CSMD2: variants seen among roughly 807,000 people sequenced by gnomAD.
CSMD2 encodes CUB and Sushi multiple domains 2.
CSMD2 carries 130 observed loss-of-function variants against 398.5 expected under a neutral mutation model. That is an observed-to-expected ratio of 0.33 (90% CI 0.28 to 0.38). The LOEUF (loss-of-function observed/expected upper bound fraction) is 0.38. CSMD2 is among the 10% of genes least tolerant of loss of function. The probability of loss-of-function intolerance (pLI) is 1.00; values close to 1 mark genes in which losing one functional copy is unlikely to be tolerated. For missense variants in CSMD2, 3,829 were observed against 4,764.9 expected, an observed-to-expected ratio of 0.80 and a Z score of 5.78; for synonymous variants, 1,828 against 1,908.5, an observed-to-expected ratio of 0.96 and a Z score of 1.10.
intron 3 of CSMD2, among the ~76,000 whole-genome samples, chr1:33,992,342 C>G (rs542353814): frequency 1.3e-5 from 2 of 152,196 alleles, no homozygotes; most frequent in African/African-American, 4.8e-5. Flanking sequence ...GCGTGCGCCA[C>G]CATGTTCACC....
intron 2 of CSMD2, among the ~76,000 whole-genome samples, chr1:34,087,025 A>C (rs1171305549): frequency 6.6e-6 from 1 of 152,114 alleles, no homozygotes; most frequent in Non-Finnish European, 1.5e-5. Context: ...GGGATGATCT[A>C]GAATGAGGAT....
intron 41 of CSMD2, among the ~76,000 whole-genome samples, chr1:33,610,459 C>T (rs114393827): frequency 1.5e-3 from 227 of 152,266 alleles, no homozygotes; most frequent in African/African-American, 5.3e-3. Flanking sequence ...CACAGGGGAA[C>T]CTGAGTGTAG....
intron 5 of CSMD2, chr1:33,870,473 C>T (rs1420130043): frequency 6.6e-6 from 1 of 152,196 alleles, no homozygotes; most frequent in Non-Finnish European, 1.5e-5. Flanking sequence ...ATGAACATTT[C>T]ATTATGAGGC....
At chr1:33,601,088 T>A in intron 43 of CSMD2, 78 bp from the exon 44 acceptor site, 1 of 1,578,606 alleles carries the variant, frequency 6.3e-7, no homozygotes, top group Non-Finnish European at 8.6e-7. Context: ...TCAGTGGCCT[T>A]AAGACAGACC....
At chr1:34,141,834 AAAG>A (rs921390446) in intron 1 of CSMD2, among the ~76,000 whole-genome samples, 6 of 152,170 alleles carry the variant, frequency 3.9e-5, no homozygotes, top group South Asian at 2.1e-4. Context: ...GGTCCAGGCA[AAAG>A]AAGAAGATGG....
At chr1:33,819,240 G>T (rs986276603) in intron 9 of CSMD2, among the ~76,000 whole-genome samples, 2 of 152,198 alleles carry the variant, frequency 1.3e-5, no homozygotes, top group Admixed American at 6.5e-5. Context: ...CAGATAGGGG[G>T]TTAGAAGCAT....
chr1:33,845,814 T>C (rs936907510), intron 6 of CSMD2, among the ~76,000 whole-genome samples: 1 of 152,232 alleles, frequency 6.6e-6, no homozygotes, highest in Non-Finnish European at 1.5e-5. Context: ...GCTGCTTTTA[T>C]CCCAGTTTCC....
At chr1:34,119,374 G>A (rs1320733148) in intron 1 of CSMD2, among the ~76,000 whole-genome samples, 2 of 152,086 alleles carry the variant, frequency 1.3e-5, no homozygotes, top group African/African-American at 4.8e-5. Flanking sequence ...AGATTTCTTG[G>A]ATATGACAAC....
intron 5 of CSMD2, among the ~76,000 whole-genome samples, chr1:33,856,183 G>A (rs1639074918): frequency 6.6e-6 from 1 of 152,216 alleles, no homozygotes; most frequent in Admixed American, 6.5e-5. Flanking sequence ...TTGAGAAGAG[G>A]TGGTGGGATC....
intron 7 of CSMD2, among the ~76,000 whole-genome samples, chr1:33,824,566 C>T (rs1658563419): frequency 6.6e-6 from 1 of 152,196 alleles, no homozygotes; most frequent in Non-Finnish European, 1.5e-5. Flanking sequence ...CGGCCACACA[C>T]ATCGGCACAG....
intron 5 of CSMD2, among the ~76,000 whole-genome samples, chr1:33,857,906 T>A (rs150563819): frequency 1.0e-3 from 156 of 152,254 alleles, no homozygotes; most frequent in African/African-American, 3.6e-3. Context: ...AGGAGTAGGT[T>A]TTTAAAGACC....
Position 33,635,170 on chromosome 1 carries a change from G to T in CSMD2, c.5086+44C>A. The T allele has an allele frequency of 1.7e-6, 2 of 1,201,356 alleles. No homozygotes were observed. Among genetic ancestry groups the T allele is most frequent in the Non-Finnish European group, 2.5e-6 (2 of 812,280 alleles). The allele number at this position is 1,201,356 out of a possible 1,614,324, so 74.4% of individuals were successfully genotyped here. ...GAATTGCTCATTTTGGAATGAGGGTGAGGAGTCAGAAAACATATGAACAAC... is the reference window on the plus strand; with the variant it reads ...GAATTGCTCATTTTGGAATGAGGGTTAGGAGTCAGAAAACATATGAACAAC... On this transcript the variant is annotated intron_variant, in intron 31 of 70. Transcript: ENST00000373381. The surrounding 1 kb of genome is among the most constrained non-coding windows in gnomAD (Gnocchi z 5.0).
At position 33,614,484 on chromosome 1, in the gene CSMD2, T is replaced by C; in HGVS notation, c.6133+20A>G. On this transcript the variant is annotated intron_variant, in intron 40 of 70. Transcript: ENST00000373381. ...GTCTGGGCTTGAAGCCTGTCTCCTC[T>C]GGGGGCTGCAGAGACTTACCAAAGC... is the stretch of plus-strand genomic sequence containing the variant. The C allele has an allele frequency of 1.5e-6, 2 of 1,369,506 alleles. No homozygotes were observed. The allele number at this position is 1,369,506 out of a possible 1,614,324, so 84.8% of individuals were successfully genotyped here.
rs147673247 is a variant in CSMD2, at chr1:33,925,923, G to A, written c.713-7622C>T. ...TTTCTGGAAACTTCTTCCCTATCTC[G>A]TTGGGCCTGACTGCCCCCTCGCCCT... On this transcript the variant is annotated intron_variant, in intron 4 of 70. Coordinates refer to ENST00000373381, the MANE Select transcript of CSMD2 (RefSeq NM_001281956.2). Among the ~76,000 whole-genome samples the A allele has an allele frequency of 9.5e-3, 1,450 of 152,050 alleles. 28 individuals carry two copies. The highest frequency in any genetic ancestry group is 0.032 in the African/African-American group (1,341 of 41,458).
intron 11 of CSMD2, among the ~76,000 whole-genome samples, chr1:33,790,830 TATCTATCTATCTATC>T (rs1259077044): frequency 1.3e-5 from 2 of 151,942 alleles, no homozygotes; most frequent in Non-Finnish European, 2.9e-5. Context: ...TCTATCTATC[TATCTATCTATCTATC>T]ATCTATCTAT....
At chr1:33,555,147 A>G (rs1203442250) in intron 55 of CSMD2, among the ~76,000 whole-genome samples, 1 of 152,166 alleles carries the variant, frequency 6.6e-6, no homozygotes, top group South Asian at 2.1e-4. Context: ...CATTAACAGG[A>G]GTTTGGAAAA....
At chr1:33,695,761 C>T (rs1286800908) in intron 24 of CSMD2, among the ~76,000 whole-genome samples, 1 of 152,204 alleles carries the variant, frequency 6.6e-6, no homozygotes, top group Non-Finnish European at 1.5e-5. Context: ...GCCCACTGAG[C>T]CCACCAGAGT....
intron 1 of CSMD2, among the ~76,000 whole-genome samples, chr1:34,110,656 G>A (rs1660988158): frequency 6.6e-6 from 1 of 152,128 alleles, no homozygotes; most frequent in African/African-American, 2.4e-5. Flanking sequence ...TTACTTATAA[G>A]TGGGAGCTAA....
rs1655939839 is a variant in CSMD2 at position 33,537,720 on chromosome 1, G to C, written c.9632-111C>G. 8.5e-7 allele frequency: 1 copy of C among 1,182,374 alleles called. No individual in the cohort carries two copies. Among genetic ancestry groups the C allele is most frequent in the South Asian group, 1.8e-5 (1 of 54,838 alleles). 73.2% of individuals were successfully genotyped at this position (1,182,374 alleles called of 1,614,324 possible). ...CACTGCTCCCTTCCTGGTTGAGCTTGAACTCTGGGAACCGGGGCAGCCCCA... is the reference window on the plus strand; with the variant it reads ...CACTGCTCCCTTCCTGGTTGAGCTTCAACTCTGGGAACCGGGGCAGCCCCA... On this transcript the variant is annotated intron_variant, in intron 60 of 70. Coordinates refer to ENST00000373381, the MANE Select transcript of CSMD2 (RefSeq NM_001281956.2). This position sits in a 1 kb window ranked among gnomAD's most constrained non-coding sequence, Gnocchi z 4.6.
Sources: allele counts gnomAD v4.1 joint callset (sites outside exome capture counted in the v4.1 genomes callset), GRCh38; gene constraint gnomAD v4.1.1; non-coding constraint Gnocchi (gnomAD v3.1); transcripts MANE v1.5; gene names NCBI Gene and HGNC (gene_info 2026-07-23, HGNC 2026-07-21).